Variants in POTEB3 observed in about 807,000 individuals in gnomAD.
POTEB3 encodes the protein ANKRD26-like family B member 1.
POTEB3 carries 5 observed loss-of-function variants against 39.8 expected under a neutral mutation model. That is an observed-to-expected ratio of 0.13 (90% confidence interval 0.07 to 0.26). POTEB3 has a LOEUF of 0.26. Ranked by LOEUF, POTEB3 falls within the 10% of genes least tolerant of loss-of-function variation. The pLI is 1.00. For missense variants in POTEB3, 24 were observed against 475.6 expected (o/e 0.05, Z 8.83); for synonymous variants, 5 against 161.5 (o/e 0.03, Z 7.35).
chr15:21,408,147 T>A lies in POTEB3; in HGVS notation c.*836A>T, dbSNP rs2141340864. The A allele has an allele frequency of 1.2e-5, 1 of 81,682 alleles. No individual in the cohort carries two copies. Among genetic ancestry groups the A allele is most frequent in the South Asian group, 2.8e-4 (1 of 3,580 alleles). The allele number at this position is 81,682 out of a possible 1,614,324, so 5.1% of individuals were successfully genotyped here. A position where few individuals can be genotyped will look rare whatever the true frequency, so the allele number is the denominator to read the frequency against. Reference sequence around the variant, plus strand: ...AAGATGGACTGACTTGTTCCTTGTGTCAACTGCAGCTTGTTGGAGGTGTCA... The same window carrying A: ...AAGATGGACTGACTTGTTCCTTGTGACAACTGCAGCTTGTTGGAGGTGTCA... On this transcript the variant is annotated 3_prime_UTR_variant, in exon 11 of 11. Transcript: ENST00000611217.
intron 6 of POTEB3, among the ~76,000 whole-genome samples, chr15:21,423,022 C>T (rs1195523960): frequency 7.4e-5 from 11 of 148,224 alleles, no homozygotes; most frequent in Non-Finnish European, 7.5e-5. Context: ...AAAATTACTA[C>T]TGACACCTTT....
chr15:21,413,018 CA>C (rs1898344071), intron 9 of POTEB3, among the ~76,000 whole-genome samples: 1 of 90,334 alleles, frequency 1.1e-5, no homozygotes, highest in Non-Finnish European at 2.1e-5. Flanking sequence ...ACCAGAAGCT[CA>C]AACAAATCAG....
chr15:21,434,044 C>T (rs201704479), intron 3 of POTEB3, among the ~76,000 whole-genome samples: 3,303 of 126,212 alleles, frequency 0.026, 55 homozygotes, highest in East Asian at 0.094. Flanking sequence ...CACACACACA[C>T]ACACACACAC....
At chr15:21,433,851 C>T (rs200372774) in intron 3 of POTEB3, among the ~76,000 whole-genome samples, 8,378 of 125,424 alleles carry the variant, frequency 0.067, 12 homozygotes, top group South Asian at 0.11. Context: ...TCAAGGGTTT[C>T]CCACTACATT....
rs1463669539 is a variant in POTEB3 at position 21,434,089 on chromosome 15, A to T, written c.810+572T>A. Among the ~76,000 whole-genome samples, 10 of 142,466 alleles carry T rather than the reference A, an allele frequency of 7.0e-5. No homozygotes were observed. The South Asian group carries it at 2.2e-3, about 31-fold the overall frequency. 93.5% of individuals were successfully genotyped at this position (142,466 alleles called of 152,430 possible). ...CAAACAAAAACAAAAACAAAAAAAA[A>T]ACCTCTTCATGGTCTTTTCCCCCAT... On this transcript the variant is annotated intron_variant, in intron 3 of 10. Coordinates refer to ENST00000611217, the MANE Select transcript of POTEB3 (RefSeq NM_207355.5).
intron 3 of POTEB3, among the ~76,000 whole-genome samples, chr15:21,434,156 A>C (rs1247834906): frequency 7.1e-6 from 1 of 141,194 alleles, no homozygotes; most frequent in Non-Finnish European, 1.5e-5. Flanking sequence ...TGATTGCTGC[A>C]TTTTTCCCTT....
At chr15:21,433,712 C>T (rs1363557090) in intron 3 of POTEB3, among the ~76,000 whole-genome samples, 3 of 149,266 alleles carry the variant, frequency 2.0e-5, no homozygotes, top group African/African-American at 7.5e-5. Context: ...GATCTTTTTA[C>T]TTATAAGCCC....
chr15:21,410,420 ATG>A (rs1426424688), intron 10 of POTEB3, among the ~76,000 whole-genome samples: 3 of 78,336 alleles, frequency 3.8e-5, no homozygotes, highest in African/African-American at 2.1e-4. Context: ...GACATCCACA[ATG>A]TGGCCTCTGA....
rs1898308747 is a variant in POTEB3 at position 21,410,864 on chromosome 15, A to C, written c.1533+14T>G. The C allele has an allele frequency of 9.2e-7, 1 of 1,086,690 alleles. No individual in the cohort carries two copies. The highest frequency in any genetic ancestry group is 3.9e-5 in the East Asian group (1 of 25,942). The allele number at this position is 1,086,690 out of a possible 1,614,324, so 67.3% of individuals were successfully genotyped here. On this transcript the variant is annotated intron_variant, in intron 10 of 10. Coordinates refer to ENST00000611217, the MANE Select transcript of POTEB3 (RefSeq NM_207355.5). ...ACACATATGAAAACATTTGATAATGACTAAAGAAAATACCTTAGAATTCAT... is the reference window on the plus strand; with the variant it reads ...ACACATATGAAAACATTTGATAATGCCTAAAGAAAATACCTTAGAATTCAT...
intron 6 of POTEB3, among the ~76,000 whole-genome samples, chr15:21,422,866 G>A (rs1898562259): frequency 1.3e-5 from 2 of 150,186 alleles, no homozygotes; most frequent in South Asian, 2.1e-4. Context: ...GCCTATATAA[G>A]CCAAGCCCTG....
chr15:21,422,832 C>T (rs1458978719), intron 6 of POTEB3, among the ~76,000 whole-genome samples: 3 of 151,326 alleles, frequency 2.0e-5, no homozygotes, highest in African/African-American at 4.9e-5. Context: ...TGATTAACTG[C>T]CTTTGTTCTG....
At chr15:21,432,954 TAAA>T (rs60113861) in intron 3 of POTEB3, among the ~76,000 whole-genome samples, 1 of 69,554 alleles carries the variant, frequency 1.4e-5, no homozygotes. Context: ...TCATCTCTAC[TAAA>T]AAAAAAAAAA....
chr15:21,434,562 A>G (rs1194632364), intron 3 of POTEB3, 99 bp downstream of exon 3: 2 of 53,196 alleles, frequency 3.8e-5, no homozygotes, highest in Non-Finnish European at 6.8e-5. Context: ...CATTCAGGTT[A>G]TGCTTGAGCT....
At chr15:21,434,081 A>G (rs1472699568) in intron 3 of POTEB3, among the ~76,000 whole-genome samples, 2 of 114,850 alleles carry the variant, frequency 1.7e-5, no homozygotes, top group African/African-American at 7.6e-5. Flanking sequence ...AAACAAAAAC[A>G]AAAAAAAAAC....
chr15:21,409,946 G>A lies in POTEB3; in HGVS notation c.1534-751C>T, dbSNP rs1267086438. Among the ~76,000 whole-genome samples, 14 of 94,744 alleles carry A rather than the reference G, an allele frequency of 1.5e-4. 1 individual carries two copies. The highest frequency in any genetic ancestry group is 1.1e-3 in the East Asian group (4 of 3,520). The allele number at this position is 94,744 out of a possible 152,430, so 62.2% of individuals were successfully genotyped here. A position where few individuals can be genotyped will look rare whatever the true frequency, so the allele number is the denominator to read the frequency against. On this transcript the variant is annotated intron_variant, in intron 10 of 10. Coordinates refer to ENST00000611217, the MANE Select transcript of POTEB3 (RefSeq NM_207355.5). The stretch of plus-strand genomic sequence containing the variant: ...TGAGTTTGTGCCATTGCACTCCAGC[G>A]TGGGTGACAGTGCAAGACTCCATCT...
intron 10 of POTEB3, among the ~76,000 whole-genome samples, chr15:21,410,122 T>C (rs1346757916): frequency 1.7e-4 from 16 of 92,416 alleles, no homozygotes; most frequent in Admixed American, 1.5e-3. Context: ...GCCTTTTATT[T>C]CAAAATACAA....
chr15:21,426,219 C>T (rs1360347869), intron 6 of POTEB3: 1 of 450,192 alleles, frequency 2.2e-6, no homozygotes, highest in Non-Finnish European at 4.4e-6. Flanking sequence ...CATGTTCCTT[C>T]TGCCAAAAAT....
intron 4 of POTEB3, among the ~76,000 whole-genome samples, chr15:21,430,873 G>T: frequency 6.6e-6 from 1 of 151,872 alleles, no homozygotes; most frequent in Non-Finnish European, 1.5e-5. Flanking sequence ...ATGCCAATAA[G>T]CATGTGCTAC....
intron 9 of POTEB3, among the ~76,000 whole-genome samples, chr15:21,417,812 CTG>C (rs1212491394): frequency 9.4e-6 from 1 of 106,392 alleles, no homozygotes; most frequent in Non-Finnish European, 1.8e-5. Flanking sequence ...TATGAAGTCA[CTG>C]TGGAAAAATA....
Sources: gnomAD v4.1 joint callset for allele counts (sites outside exome capture counted in the v4.1 genomes callset) on GRCh38, gnomAD v4.1.1 for gene constraint, MANE v1.5 for transcripts, NCBI Gene and HGNC (gene_info 2026-07-23, HGNC 2026-07-21) for gene names.